The following CCDC73 variants were observed in gnomAD, a reference collection of about 807,000 sequenced individuals.
The protein encoded by CCDC73 is coiled-coil domain containing 73.
A neutral mutation model predicts 116.5 loss-of-function variants in CCDC73; 95 were observed. That is an observed-to-expected ratio of 0.82 (90% CI 0.69 to 0.97). The LOEUF (loss-of-function observed/expected upper bound fraction) is 0.97. Among genes scored for constraint, CCDC73 ranks in the 50% least tolerant of loss-of-function variants. CCDC73 has a pLI of 0.00. For missense variants in CCDC73, 1,066 were observed against 1,206.8 expected (o/e 0.88, Z 1.73); for synonymous variants, 398 against 401.3 (o/e 0.99, Z 0.10).
intron 2 of CCDC73, among the ~76,000 whole-genome samples, chr11:32,754,056 C>T (rs11031964): frequency 0.2 from 30,064 of 152,192 alleles, 4,080 homozygotes; most frequent in East Asian, 0.67. Context: ...ATTATTACAG[C>T]ATTTCAACAT....
At chr11:32,687,585 T>A (rs1191004999) in intron 6 of CCDC73, among the ~76,000 whole-genome samples, 2 of 151,286 alleles carry the variant, frequency 1.3e-5, no homozygotes, top group Non-Finnish European at 2.9e-5. Context: ...TTTGCAGCAG[T>A]GCAAATTAAT....
chr11:32,761,438 A>G (rs555868134), intron 1 of CCDC73, among the ~76,000 whole-genome samples: 1 of 152,332 alleles, frequency 6.6e-6, no homozygotes, highest in South Asian at 2.1e-4. Context: ...TTCATTCCTT[A>G]GAGATAAACG....
intron 1 of CCDC73, among the ~76,000 whole-genome samples, chr11:32,779,555 C>T (rs749191605): frequency 6.6e-6 from 1 of 152,152 alleles, no homozygotes; most frequent in Non-Finnish European, 1.5e-5. Context: ...TAGGCAGCTA[C>T]TGGGGCTAAA....
At chr11:32,626,371 T>C (rs964030084) in intron 14 of CCDC73, among the ~76,000 whole-genome samples, 1 of 151,596 alleles carries the variant, frequency 6.6e-6, no homozygotes, top group Non-Finnish European at 1.5e-5. Context: ...TGGGTAGGAA[T>C]AATCAATATC....
intron 14 of CCDC73, among the ~76,000 whole-genome samples, chr11:32,630,667 G>A (rs1010181365): frequency 6.6e-6 from 1 of 152,060 alleles, no homozygotes; most frequent in Admixed American, 6.6e-5. Context: ...AATTTTACTG[G>A]TACATAACCA....
chr11:32,669,947 T>C (rs570048963), intron 9 of CCDC73, among the ~76,000 whole-genome samples: 9 of 152,314 alleles, frequency 5.9e-5, no homozygotes, highest in East Asian at 5.8e-4. Flanking sequence ...ATCTCTTCAA[T>C]ATACTGATTT....
At chr11:32,721,107 C>T (rs1357660872) in intron 2 of CCDC73, among the ~76,000 whole-genome samples, 1 of 152,160 alleles carries the variant, frequency 6.6e-6, no homozygotes, top group Non-Finnish European at 1.5e-5. Context: ...TCACTGCAAC[C>T]TCCGCATCCC....
chr11:32,720,724 A>G (rs561776495), intron 2 of CCDC73, among the ~76,000 whole-genome samples: 9 of 152,330 alleles, frequency 5.9e-5, no homozygotes, highest in African/African-American at 2.2e-4. Context: ...ATATTTTAAC[A>G]ATGAATATGC....
chr11:32,828,562 G>A, the CCDC73 span, among the ~76,000 whole-genome samples: 7 of 151,234 alleles, frequency 4.6e-5, no homozygotes, highest in African/African-American at 1.7e-4. Flanking sequence ...TTGGTCCCCA[G>A]CAAGTGCCAG....
chr11:32,614,100 T>G lies in CCDC73; in HGVS notation c.2218A>C (p.Asn740His). 1 of 1,613,598 alleles carries G rather than the reference T, an allele frequency of 6.2e-7. No homozygotes were observed. Among genetic ancestry groups the G allele is most frequent in the Non-Finnish European group, 8.5e-7 (1 of 1,179,892 alleles). The change falls in exon 16 of 18, where the codon AAC becomes CAC. Residue 740 changes from asparagine to histidine, a missense_variant. By Grantham distance (68) the Asn-to-His change is moderately conservative. Transcript: ENST00000335185. ...VHSMSMLVKP[N>H]SSPGGKTMCK... is the part of the protein sequence containing the mutation. ...ATAGTTTTTCCCCCAGGGCTTGAGT[T>G]AGGTTTCACCAACATAGACATACTA...
chr11:32,665,347 T>C (rs1014863297), intron 9 of CCDC73, among the ~76,000 whole-genome samples: 12 of 152,312 alleles, frequency 7.9e-5, no homozygotes, highest in African/African-American at 2.4e-4. Context: ...TGCTCCTGTA[T>C]TGGGTGCATA....
At chr11:32,654,078 C>T (rs1565067302) in intron 10 of CCDC73, 41 bp from the exon 11 acceptor site, 3 of 1,536,472 alleles carry the variant, frequency 2.0e-6, no homozygotes, top group Non-Finnish European at 2.6e-6. Context: ...ATATAAAATT[C>T]AGCAAATTCT....
intron 1 of CCDC73, among the ~76,000 whole-genome samples, chr11:32,790,958 TA>T: frequency 6.6e-6 from 1 of 152,278 alleles, no homozygotes; most frequent in South Asian, 2.1e-4. Flanking sequence ...TTAACTAAAC[TA>T]AACTCCAATT....
At chr11:32,767,278 C>T (rs1789749173) in intron 1 of CCDC73, among the ~76,000 whole-genome samples, 1 of 152,166 alleles carries the variant, frequency 6.6e-6, no homozygotes, top group Non-Finnish European at 1.5e-5. Flanking sequence ...ATGTAGAAAA[C>T]TGAAACTGGA....
intron 6 of CCDC73, among the ~76,000 whole-genome samples, chr11:32,689,661 A>G (rs576510780): frequency 1.3e-5 from 2 of 152,312 alleles, no homozygotes; most frequent in Admixed American, 6.5e-5. Flanking sequence ...AACTTAAAAC[A>G]TAAGTTATAT....
intron 1 of CCDC73, among the ~76,000 whole-genome samples, chr11:32,776,986 C>CATAT (rs1232030218): frequency 1.1e-3 from 106 of 95,666 alleles, no homozygotes; most frequent in East Asian, 5.0e-3. Flanking sequence ...TATATATACA[C>CATAT]ATGTATATAT....
chr11:32,827,409 T>C, the CCDC73 span, among the ~76,000 whole-genome samples: 1 of 152,250 alleles, frequency 6.6e-6, no homozygotes, highest in Non-Finnish European at 1.5e-5. Flanking sequence ...AATTCACTAC[T>C]GAGAAACAGA....
chr11:32,691,005 CTCTG>C (rs1024223331), intron 6 of CCDC73, among the ~76,000 whole-genome samples: 4 of 151,466 alleles, frequency 2.6e-5, no homozygotes, highest in African/African-American at 9.7e-5. Flanking sequence ...AACTTCTGTA[CTCTG>C]TCTTTTTATC....
At chr11:32,813,454 C>G in the CCDC73 span, among the ~76,000 whole-genome samples, 4 of 152,032 alleles carry the variant, frequency 2.6e-5, no homozygotes, top group South Asian at 4.1e-4. Context: ...GATGGAGTCC[C>G]ACTATATTGC....
Sources: gnomAD v4.1 joint callset for allele counts (sites outside exome capture counted in the v4.1 genomes callset) on GRCh38, gnomAD v4.1.1 for gene constraint, MANE v1.5 for transcripts, NCBI Gene and HGNC (gene_info 2026-07-23, HGNC 2026-07-21) for gene names.